The following GNG2 variants were observed in gnomAD, a reference collection of about 807,000 sequenced individuals.
GNG2 encodes guanine nucleotide-binding protein G(I)/G(S)/G(O) subunit gamma-2.
GNG2 carries 5 observed loss-of-function variants against 5.5 expected under a neutral mutation model. The ratio of observed to expected loss-of-function variants is 0.91; its 90% confidence interval spans 0.48 to 1.92. The LOEUF (loss-of-function observed/expected upper bound fraction) is 1.92, where lower values mean the gene tolerates loss of function less well. Ranked by LOEUF, GNG2 falls within the 30% of genes most tolerant of loss-of-function variation. The pLI is 0.01. For missense variants in GNG2, 55 were observed against 88.4 expected, an observed-to-expected ratio of 0.62 and a Z score of 1.52; for synonymous variants, 28 against 32.0, an observed-to-expected ratio of 0.88 and a Z score of 0.42.
At chr14:51,931,571 A>T (rs1203181950) in intron 2 of GNG2, among the ~76,000 whole-genome samples, 1 of 152,206 alleles carries the variant, frequency 6.6e-6, no homozygotes, top group Non-Finnish European at 1.5e-5. Flanking sequence ...GAGTGTCAAC[A>T]TACAAGAATA....
At chr14:51,881,723 T>TC (rs1884088783) in intron 2 of GNG2, among the ~76,000 whole-genome samples, 1 of 149,934 alleles carries the variant, frequency 6.7e-6, no homozygotes, top group East Asian at 2.0e-4. Flanking sequence ...TTTTTTTTTT[T>TC]TAACGTATTT....
intron 2 of GNG2, among the ~76,000 whole-genome samples, chr14:51,887,683 A>G (rs1453612964): frequency 1.3e-5 from 2 of 152,200 alleles, no homozygotes; most frequent in Non-Finnish European, 2.9e-5. Flanking sequence ...CTGTGGGGTT[A>G]AAATGAACTG....
chr14:51,851,274 C>T (rs1461078819), intron 2 of GNG2, among the ~76,000 whole-genome samples: 1 of 152,076 alleles, frequency 6.6e-6, no homozygotes, highest in Non-Finnish European at 1.5e-5. Flanking sequence ...TAACTTGGCT[C>T]CCCATATGCA....
intron 2 of GNG2, among the ~76,000 whole-genome samples, chr14:51,898,530 A>G (rs1885348774): frequency 6.6e-6 from 1 of 152,248 alleles, no homozygotes; most frequent in African/African-American, 2.4e-5. Context: ...CACTTATTAA[A>G]GAAAGAAAGA....
chr14:51,948,901 C>T (rs1888798870), intron 2 of GNG2, among the ~76,000 whole-genome samples: 1 of 151,900 alleles, frequency 6.6e-6, no homozygotes, highest in South Asian at 2.1e-4. Flanking sequence ...GTGGGCGGAT[C>T]ACGAGGTCAG....
chr14:51,956,209 A>G (rs1245729644), intron 3 of GNG2, among the ~76,000 whole-genome samples: 2 of 152,186 alleles, frequency 1.3e-5, no homozygotes, highest in Non-Finnish European at 2.9e-5. Flanking sequence ...TGGAAATAGC[A>G]AGTAAACTGT....
rs536087192 is a variant in GNG2, at chr14:51,931,580, T to A, written c.-29-19070T>A. Among the ~76,000 whole-genome samples the A allele has an allele frequency of 2.4e-4, 37 of 152,056 alleles. 1 individual carries two copies. The highest frequency in any genetic ancestry group is 6.8e-3 in the Middle Eastern group (2 of 294). The stretch of plus-strand genomic sequence containing the variant: ...GTGGGTGAGTGTCAACATACAAGAA[T>A]AAAGTGCAAACACTCTGAGACCTGG... On this transcript the variant is annotated intron_variant, in intron 2 of 3. Coordinates refer to ENST00000556766, the MANE Select transcript of GNG2 (RefSeq NM_053064.5).
chr14:51,880,299 A>G lies in GNG2; in HGVS notation c.-30+2642A>G, dbSNP rs182323484. ...TGTGAGGTTTTTATTTTATGCTGTT[A>G]TGTCTGGCTGTTATTTTATGTATTA... On this transcript the variant is annotated intron_variant, in intron 2 of 3. Coordinates refer to ENST00000556766, the MANE Select transcript of GNG2 (RefSeq NM_053064.5). 2.2e-4 allele frequency among the ~76,000 whole-genome samples: 34 copies of G among 152,348 alleles called. 1 individual carries two copies. The East Asian group carries it at 4.0e-3, about 18-fold the overall frequency.
At chr14:51,861,123 A>G (rs1002426644) in intron 1 of GNG2, among the ~76,000 whole-genome samples, 45 of 152,188 alleles carry the variant, frequency 3.0e-4, no homozygotes, top group African/African-American at 1.1e-3. Context: ...GGAGCCCGGC[A>G]GTCCCCTTGT....
chr14:51,874,440 A>G (rs932213378), intron 1 of GNG2, among the ~76,000 whole-genome samples: 1 of 151,172 alleles, frequency 6.6e-6, no homozygotes, highest in East Asian at 1.9e-4. Flanking sequence ...AAAAAAAAAA[A>G]AACAGTCTGG....
chr14:51,922,482 A>C lies in GNG2; in HGVS notation c.-29-28168A>C, dbSNP rs1192765887. 2.0e-5 allele frequency among the ~76,000 whole-genome samples: 3 copies of C among 152,244 alleles called. No individual in the cohort carries two copies. The East Asian group carries it at 5.8e-4, about 29-fold the overall frequency. ...GAGGGGGAAGACTCCAAGGGGTAGT[A>C]GCAGCCAACTCCCCTCTTAGCCCTG... is the stretch of plus-strand genomic sequence containing the variant. On this transcript the variant is annotated intron_variant, in intron 2 of 3. Coordinates refer to ENST00000556766, the MANE Select transcript of GNG2 (RefSeq NM_053064.5).
intron 2 of GNG2, among the ~76,000 whole-genome samples, chr14:51,911,808 C>T (rs1886315502): frequency 6.8e-6 from 1 of 147,772 alleles, no homozygotes; most frequent in African/African-American, 2.5e-5. Context: ...TTTGGCCTCC[C>T]AAAGCACTGG....
At chr14:51,919,269 CA>C (rs996645903) in intron 2 of GNG2, among the ~76,000 whole-genome samples, 12 of 152,190 alleles carry the variant, frequency 7.9e-5, no homozygotes, top group Admixed American at 3.9e-4. Flanking sequence ...TAATATTACT[CA>C]AAAAATCTTT....
intron 2 of GNG2, among the ~76,000 whole-genome samples, chr14:51,895,190 A>T (rs1462374675): frequency 3.9e-5 from 6 of 152,188 alleles, no homozygotes; most frequent in Non-Finnish European, 1.5e-5. Context: ...GAACTACTAA[A>T]TAGTTAATTA....
upstream of GNG2, among the ~76,000 whole-genome samples, chr14:51,858,308 G>T (rs1882256398): frequency 6.6e-6 from 1 of 152,194 alleles, no homozygotes; most frequent in South Asian, 2.1e-4. Flanking sequence ...ATGAAAGAGA[G>T]GTCTTAAAAT....
At chr14:51,926,687 C>T (rs973656263) in intron 2 of GNG2, among the ~76,000 whole-genome samples, 2 of 152,162 alleles carry the variant, frequency 1.3e-5, no homozygotes, top group Non-Finnish European at 2.9e-5. Context: ...CTTCCTTTTC[C>T]GGTGTGGAAC....
intron 2 of GNG2, among the ~76,000 whole-genome samples, chr14:51,898,703 C>T (rs1194842439): frequency 1.3e-5 from 2 of 152,208 alleles, no homozygotes; most frequent in Non-Finnish European, 2.9e-5. Flanking sequence ...AACTCTGTAA[C>T]GTTCCAACCT....
chr14:51,968,960 G>A lies in GNG2; in HGVS notation c.*2273G>A, dbSNP rs1010524683. ...GGGAGCATTTTAAGGAAAATGTTTT[G>A]GCTTTTTCATAATTTTATGTCTTAC... On this transcript the variant is annotated 3_prime_UTR_variant, in exon 4 of 4. Coordinates refer to ENST00000556766, the MANE Select transcript of GNG2 (RefSeq NM_053064.5). 6.6e-6 allele frequency: 1 copy of A among 152,024 alleles called. No homozygotes were observed. Among genetic ancestry groups the A allele is most frequent in the Admixed American group, 6.6e-5 (1 of 15,254 alleles). 9.4% of individuals were successfully genotyped at this position (152,024 alleles called of 1,614,324 possible).
chr14:51,866,516 T>C (rs890131035), intron 1 of GNG2, among the ~76,000 whole-genome samples: 2 of 152,224 alleles, frequency 1.3e-5, no homozygotes, highest in African/African-American at 4.8e-5. Context: ...TTTAGATCAT[T>C]TGAATTGCTG....
Sources: gnomAD v4.1 joint callset for allele counts (sites outside exome capture counted in the v4.1 genomes callset) on GRCh38, gnomAD v4.1.1 for gene constraint, MANE v1.5 for transcripts, NCBI Gene and HGNC (gene_info 2026-07-23, HGNC 2026-07-21) for gene names.